SEMA5A: variants seen among roughly 807,000 people sequenced by gnomAD.
SEMA5A encodes semaphorin-5A.
SEMA5A carries 55 observed loss-of-function variants against 135.5 expected under a neutral mutation model. That is an observed-to-expected ratio of 0.41 (90% CI 0.33 to 0.51). The LOEUF is 0.51. Among genes scored for constraint, SEMA5A ranks in the 20% least tolerant of loss-of-function variants. SEMA5A has a pLI of 0.37. For missense variants in SEMA5A, 1,290 were observed against 1,419.9 expected, an observed-to-expected ratio of 0.91 and a Z score of 1.47; for synonymous variants, 580 against 546.5, an observed-to-expected ratio of 1.06 and a Z score of -0.85.
At chr5:9,190,915 T>G (rs2150348264) in intron 10 of SEMA5A, among the ~76,000 whole-genome samples, 1 of 152,170 alleles carries the variant, frequency 6.6e-6, no homozygotes, top group East Asian at 1.9e-4. Flanking sequence ...CAGCAGGGGG[T>G]CTGTAAGCAA....
At chr5:9,162,135 C>T (rs1320213144) in intron 11 of SEMA5A, among the ~76,000 whole-genome samples, 1 of 152,158 alleles carries the variant, frequency 6.6e-6, no homozygotes, top group Non-Finnish European at 1.5e-5. Context: ...AGTTTTCTAT[C>T]TACCAAGAAG....
intron 10 of SEMA5A, among the ~76,000 whole-genome samples, chr5:9,190,996 CA>C (rs1031700812): frequency 3.3e-5 from 5 of 152,108 alleles, no homozygotes; most frequent in Non-Finnish European, 5.9e-5. Flanking sequence ...ACATGGGCTA[CA>C]AAAATACTGT....
At chr5:9,537,767 T>A (rs1267766606) in intron 1 of SEMA5A, among the ~76,000 whole-genome samples, 2 of 152,148 alleles carry the variant, frequency 1.3e-5, no homozygotes, top group African/African-American at 2.4e-5. Context: ...AACAAGTAAC[T>A]AGAAATACTG....
intron 6 of SEMA5A, among the ~76,000 whole-genome samples, chr5:9,229,248 G>T (rs1042817992): frequency 6.6e-6 from 1 of 152,208 alleles, no homozygotes; most frequent in Admixed American, 6.5e-5. Flanking sequence ...ATTACCAAAT[G>T]CTCGTAAACA....
chr5:9,445,905 G>T (rs1173013960), intron 1 of SEMA5A, among the ~76,000 whole-genome samples: 2 of 152,170 alleles, frequency 1.3e-5, no homozygotes, highest in South Asian at 4.1e-4. Context: ...TCTACAAGTT[G>T]TATCCAAAGA....
At chr5:9,522,534 G>T (rs537005358) in intron 1 of SEMA5A, among the ~76,000 whole-genome samples, 4 of 152,018 alleles carry the variant, frequency 2.6e-5, no homozygotes, top group Admixed American at 2.6e-4. Context: ...CCGAGATTGC[G>T]CCATTGCACT....
chr5:9,225,688 C>A (rs1337215203), intron 7 of SEMA5A, among the ~76,000 whole-genome samples: 2 of 151,952 alleles, frequency 1.3e-5, no homozygotes, highest in Non-Finnish European at 2.9e-5. Context: ...ACTATGTGGC[C>A]CACATTTCCA....
At chr5:9,092,105 A>T (rs1739066622) in intron 16 of SEMA5A, among the ~76,000 whole-genome samples, 1 of 152,168 alleles carries the variant, frequency 6.6e-6, no homozygotes, top group African/African-American at 2.4e-5. Flanking sequence ...AAGCTCAGCA[A>T]GTCAACCAGA....
intron 16 of SEMA5A, among the ~76,000 whole-genome samples, chr5:9,089,136 T>C (rs1209314638): frequency 6.6e-6 from 1 of 152,214 alleles, no homozygotes; most frequent in African/African-American, 2.4e-5. Flanking sequence ...TTCTCATTCC[T>C]TTATTTTTGG....
At chr5:9,149,512 C>T (rs1370389276) in intron 12 of SEMA5A, among the ~76,000 whole-genome samples, 8 of 152,124 alleles carry the variant, frequency 5.3e-5, no homozygotes, top group South Asian at 2.1e-4. Flanking sequence ...GACCTGGTGG[C>T]GCATGCCTGT....
intron 3 of SEMA5A, among the ~76,000 whole-genome samples, chr5:9,349,669 G>T (rs1417550594): frequency 1.3e-5 from 2 of 152,138 alleles, no homozygotes; most frequent in Non-Finnish European, 2.9e-5. Flanking sequence ...GGAGGCTGAG[G>T]AGGGTGGTTC....
intron 10 of SEMA5A, among the ~76,000 whole-genome samples, chr5:9,192,855 G>A (rs552540481): frequency 5.5e-4 from 83 of 152,142 alleles, no homozygotes; most frequent in Admixed American, 2.6e-4. Context: ...GTCTTGTTTT[G>A]TAAGCATAGT....
At chr5:9,331,526 A>T (rs1753130114) in intron 4 of SEMA5A, among the ~76,000 whole-genome samples, 1 of 152,196 alleles carries the variant, frequency 6.6e-6, no homozygotes, top group Non-Finnish European at 1.5e-5. Flanking sequence ...TCAGAAACAA[A>T]ACCCTAACTA....
intron 16 of SEMA5A, among the ~76,000 whole-genome samples, chr5:9,090,348 T>A (rs988600866): frequency 1.3e-5 from 2 of 152,204 alleles, no homozygotes; most frequent in Admixed American, 1.3e-4. Context: ...GCTACAAAAG[T>A]CCTCGCTTTA....
At chr5:9,322,119 T>C (rs187682575) in intron 4 of SEMA5A, among the ~76,000 whole-genome samples, 2 of 152,266 alleles carry the variant, frequency 1.3e-5, no homozygotes, top group East Asian at 3.9e-4. Context: ...AAGAAGATAA[T>C]GGCTTATAAT....
At chr5:9,199,017 A>G (rs16882199) in intron 9 of SEMA5A, among the ~76,000 whole-genome samples, 36,290 of 152,100 alleles carry the variant, frequency 0.24, 4,522 homozygotes, top group South Asian at 0.33. Context: ...AAACAGTAGC[A>G]CAGAGAGTTT....
chr5:9,439,637 T>C (rs1435670414), intron 1 of SEMA5A, among the ~76,000 whole-genome samples: 1 of 152,138 alleles, frequency 6.6e-6, no homozygotes, highest in African/African-American at 2.4e-5. Flanking sequence ...GTCTCTTAAA[T>C]GAAAGAGACT....
chr5:9,126,503 A>T (rs1016149978), intron 13 of SEMA5A, among the ~76,000 whole-genome samples: 1 of 151,538 alleles, frequency 6.6e-6, no homozygotes, highest in African/African-American at 2.4e-5. Flanking sequence ...CCAAGAGTTC[A>T]TCTTGCCCTC....
Position 9,419,796 on chromosome 5 carries a change from G to A in SEMA5A, c.-78+17960C>T, listed in dbSNP as rs140309646. On this transcript the variant is annotated intron_variant, in intron 2 of 22. Transcript: ENST00000382496. ...CAAGAATCATTGTATGACAAGATATGGCAAAGCTCAAATTAAATCAACACA... is the reference window on the plus strand; with the variant it reads ...CAAGAATCATTGTATGACAAGATATAGCAAAGCTCAAATTAAATCAACACA... 3.5e-3 allele frequency among the ~76,000 whole-genome samples: 532 copies of A among 152,202 alleles called. 3 individuals are homozygous for A. The highest frequency in any genetic ancestry group is 0.012 in the African/African-American group (508 of 41,524).
Sources: gnomAD v4.1 joint callset for allele counts (sites outside exome capture counted in the v4.1 genomes callset) on GRCh38, gnomAD v4.1.1 for gene constraint, MANE v1.5 for transcripts, NCBI Gene and HGNC (gene_info 2026-07-23, HGNC 2026-07-21) for gene names.